USH2A: variants seen among roughly 807,000 people sequenced by gnomAD.
USH2A encodes the protein Usher syndrome 2A (autosomal recessive, mild).
Under a neutral mutation model 538.9 loss-of-function variants are expected in USH2A, and 443 were observed. That is an observed-to-expected ratio of 0.82 (90% CI 0.76 to 0.89). USH2A has a LOEUF of 0.89. USH2A is among the 40% of genes least tolerant of loss of function. USH2A has a pLI of 0.00. For synonymous variants in USH2A, 2,413 were observed against 2,273.5 expected (o/e 1.06, Z -1.75); for missense variants, 6,633 against 6,324.8 (o/e 1.05, Z -1.65).
intron 37 of USH2A, among the ~76,000 whole-genome samples, chr1:215,956,857 A>C (rs1667080476): frequency 6.6e-6 from 1 of 152,288 alleles, no homozygotes; most frequent in Non-Finnish European, 1.5e-5. Flanking sequence ...AATATGTCCT[A>C]ATTAAACATT....
intron 61 of USH2A, among the ~76,000 whole-genome samples, chr1:215,711,619 G>T (rs565562903): frequency 6.6e-6 from 1 of 152,078 alleles, no homozygotes; most frequent in African/African-American, 2.4e-5. Flanking sequence ...CTCTCCTTAT[G>T]TATCATTTTT....
chr1:216,086,603 A>C, intron 24 of USH2A, 116 bp downstream of exon 24: 6 of 900,016 alleles, frequency 6.7e-6, no homozygotes, highest in Non-Finnish European at 1.0e-5. Flanking sequence ...TTGGCACATT[A>C]ATATAGAAAA....
At chr1:216,226,929 A>T (rs976710272) in intron 14 of USH2A, among the ~76,000 whole-genome samples, 1 of 152,144 alleles carries the variant, frequency 6.6e-6, no homozygotes, top group Non-Finnish European at 1.5e-5. Flanking sequence ...GTCTCTTCTC[A>T]GTTAGATTTG....
intron 21 of USH2A, among the ~76,000 whole-genome samples, chr1:216,110,879 T>C (rs768302405): frequency 7.9e-5 from 12 of 152,182 alleles, no homozygotes; most frequent in Non-Finnish European, 1.6e-4. Context: ...AGAAAGCACT[T>C]TCTTGAAACT....
intron 20 of USH2A, among the ~76,000 whole-genome samples, chr1:216,180,723 T>A (rs2034476750): frequency 6.6e-6 from 1 of 152,096 alleles, no homozygotes; most frequent in African/African-American, 2.4e-5. Context: ...GAATAAACAA[T>A]TTTTCTATGT....
intron 38 of USH2A, among the ~76,000 whole-genome samples, chr1:215,914,576 A>G (rs1249459195): frequency 6.6e-6 from 1 of 152,124 alleles, no homozygotes; most frequent in Non-Finnish European, 1.5e-5. Flanking sequence ...TTATTGTCCT[A>G]GTTTTTGTTA....
intron 44 of USH2A, among the ~76,000 whole-genome samples, chr1:215,857,808 G>A (rs182994512): frequency 6.4e-5 from 9 of 141,684 alleles, no homozygotes; most frequent in Admixed American, 1.5e-4. Flanking sequence ...GTGGTTGGTT[G>A]ATATCAGTGG....
At chr1:216,229,585 G>C (rs1410869466) in intron 14 of USH2A, among the ~76,000 whole-genome samples, 1 of 152,144 alleles carries the variant, frequency 6.6e-6, no homozygotes, top group South Asian at 2.1e-4. Flanking sequence ...AAAGTGCTGG[G>C]ATTACATGAG....
At chr1:216,080,141 T>C (rs981947972) in intron 26 of USH2A, 2 of 152,006 alleles carry the variant, frequency 1.3e-5, no homozygotes, top group Non-Finnish European at 2.9e-5. Flanking sequence ...AGTTTGGGGA[T>C]GGCCCAGCAA....
chr1:216,198,577 A>C lies in USH2A; in HGVS notation c.3819T>G (p.Ile1273Met). 6.2e-7 allele frequency: 1 copy of C among 1,612,534 alleles called. No individual in the cohort carries two copies. The highest frequency in any genetic ancestry group is 8.5e-7 in the Non-Finnish European group (1 of 1,179,580). Residue 1273 changes from isoleucine to methionine, a missense_variant, in exon 18 of 72, where the codon ATT becomes ATG. Ile to Met is a conservative substitution (Grantham distance 10, BLOSUM62 1). Coordinates refer to ENST00000307340, the MANE Select transcript of USH2A (RefSeq NM_206933.4). ...TTCTCATGTATAGTTCATATCTTATAATTATTCCTAGAGAAATTAAATAGT... is the reference window on the plus strand; with the variant it reads ...TTCTCATGTATAGTTCATATCTTATCATTATTCCTAGAGAAATTAAATAGT... Reference protein sequence around the residue: ...WSPPAELNGIIIRYELYMRRL... With the variant: ...WSPPAELNGIMIRYELYMRRL...
At chr1:215,799,731 A>T (rs1031234036) in intron 49 of USH2A, among the ~76,000 whole-genome samples, 1 of 152,150 alleles carries the variant, frequency 6.6e-6, no homozygotes, top group African/African-American at 2.4e-5. Context: ...TACACCTGTA[A>T]TCCCAACACT....
intron 32 of USH2A, among the ~76,000 whole-genome samples, chr1:216,037,803 A>C (rs2030058332): frequency 8.1e-6 from 1 of 123,240 alleles, no homozygotes; most frequent in Non-Finnish European, 1.8e-5. Context: ...TCTAGTACCC[A>C]TTAGTTTTTT....
In USH2A at chr1:215,743,283, T is replaced by A. The variant is rs1297383815; in HGVS notation, c.11442A>T (p.Gly3814=). 2 of 1,610,310 alleles carry A rather than the reference T, an allele frequency of 1.2e-6. No individual in the cohort carries two copies. Among genetic ancestry groups the A allele is most frequent in the Non-Finnish European group, 1.7e-6 (2 of 1,178,890 alleles). Residue 3814 remains glycine, a synonymous_variant, in exon 59 of 72, where the codon GGA becomes GGT. Coordinates refer to ENST00000307340, the MANE Select transcript of USH2A (RefSeq NM_206933.4). ...PVEYNVLLND[G]SVTPLAFSVG... Reference sequence around the variant, plus strand: ...CGGAGAAGGCCAGAGGTGTTACACTTCCATCATTGAGTAAGACATTGTACT... The same window carrying A: ...CGGAGAAGGCCAGAGGTGTTACACTACCATCATTGAGTAAGACATTGTACT...
chr1:216,249,647 T>A (rs1381162112), intron 12 of USH2A, among the ~76,000 whole-genome samples: 1 of 152,174 alleles, frequency 6.6e-6, no homozygotes, highest in Non-Finnish European at 1.5e-5. Flanking sequence ...GGTACAGATT[T>A]TCATGTAATG....
At chr1:215,763,231 GA>G (rs2102745233) in intron 56 of USH2A, among the ~76,000 whole-genome samples, 1 of 152,304 alleles carries the variant, frequency 6.6e-6, no homozygotes, top group African/African-American at 2.4e-5. Context: ...GTATCATGGT[GA>G]ATAAAGATGA....
intron 32 of USH2A, among the ~76,000 whole-genome samples, chr1:216,028,023 A>G (rs1314536293): frequency 6.6e-6 from 1 of 152,186 alleles, no homozygotes. Flanking sequence ...AGTTTTCAGA[A>G]TCTCTATTTC....
At chr1:215,629,609 C>T (rs1656189937) in intron 70 of USH2A, among the ~76,000 whole-genome samples, 1 of 152,002 alleles carries the variant, frequency 6.6e-6, no homozygotes, top group African/African-American at 2.4e-5. Flanking sequence ...AGGATTCCAG[C>T]CTCCAAATTA....
intron 37 of USH2A, among the ~76,000 whole-genome samples, chr1:215,952,636 T>G (rs1445288499): frequency 5.3e-5 from 8 of 152,190 alleles, no homozygotes; most frequent in Non-Finnish European, 1.2e-4. Flanking sequence ...CCTTCACTTA[T>G]GAAGCTTAGT....
intron 54 of USH2A, among the ~76,000 whole-genome samples, chr1:215,780,511 C>T (rs779589411): frequency 4.6e-5 from 7 of 152,210 alleles, no homozygotes; most frequent in Non-Finnish European, 1.0e-4. Flanking sequence ...GCAGACATTT[C>T]GGTACTCTTC....
Sources: gnomAD v4.1 joint callset for allele counts (sites outside exome capture counted in the v4.1 genomes callset) on GRCh38, gnomAD v4.1.1 for gene constraint, MANE v1.5 for transcripts, NCBI Gene and HGNC (gene_info 2026-07-23, HGNC 2026-07-21) for gene names.